RAMP1: variants seen among roughly 807,000 people sequenced by gnomAD.
RAMP1 encodes receptor activity-modifying protein 1.
A neutral mutation model predicts 8.2 loss-of-function variants in RAMP1; 7 were observed. The ratio of observed to expected loss-of-function variants is 0.85; its 90% CI spans 0.49 to 1.60. The LOEUF (loss-of-function observed/expected upper bound fraction) is 1.60. Among genes scored for constraint, RAMP1 ranks in the 40% most tolerant of loss-of-function variants. The probability of loss-of-function intolerance (pLI) is 0.00; values close to 1 mark genes in which losing one functional copy is unlikely to be tolerated. For synonymous variants in RAMP1, 92 were observed against 84.7 expected (o/e 1.09, Z -0.47); for missense variants, 192 against 202.4 (o/e 0.95, Z 0.31).
intron 1 of RAMP1, among the ~76,000 whole-genome samples, chr2:237,863,886 G>T (rs2062156151): frequency 6.6e-6 from 1 of 151,932 alleles, no homozygotes; most frequent in African/African-American, 2.4e-5. Flanking sequence ...GGCCCCGGCT[G>T]TCCACTGTGC....
intron 2 of RAMP1, among the ~76,000 whole-genome samples, chr2:237,900,154 TTTTGTTTA>T (rs1259552039): frequency 6.6e-6 from 1 of 152,214 alleles, no homozygotes; most frequent in African/African-American, 2.4e-5. Context: ...GTTTTTTGTT[TTTTGTTTA>T]TTTGTTTGTT....
chr2:237,908,584 C>A lies in RAMP1; in HGVS notation c.192-2944C>A, dbSNP rs555894531. 2.0e-5 allele frequency among the ~76,000 whole-genome samples: 3 copies of A among 152,176 alleles called. No individual in the cohort carries two copies. The South Asian group carries it at 6.2e-4, about 32-fold the overall frequency. ...TCCCTCGTAGCTGGGATTACAGGTG[C>A]CCGCCACTGTGCCTGGCTAATTTTT... On this transcript the variant is annotated intron_variant, in intron 2 of 2. Coordinates refer to ENST00000254661, the MANE Select transcript of RAMP1 (RefSeq NM_005855.4).
intron 2 of RAMP1, among the ~76,000 whole-genome samples, chr2:237,882,006 G>C (rs2062374054): frequency 6.6e-6 from 1 of 152,030 alleles, no homozygotes; most frequent in African/African-American, 2.4e-5. Flanking sequence ...TCTAGCCTGT[G>C]TGGTCCCACT....
Position 237,886,998 on chromosome 2 carries a change from C to T in RAMP1, c.191+9636C>T, listed in dbSNP as rs150473347. On this transcript the variant is annotated intron_variant, in intron 2 of 2. Transcript: ENST00000254661. ...CCTAGAACCATCCAGGCTGTGCAGA[C>T]GGGACTTGGCTGTCCTGGGACACAG... is the stretch of plus-strand genomic sequence containing the variant. 1.0e-4 allele frequency among the ~76,000 whole-genome samples: 15 copies of T among 147,346 alleles called. No individual in the cohort carries two copies. The East Asian group carries it at 2.2e-3, about 21-fold the overall frequency.
At chr2:237,900,251 C>T (rs761219006) in intron 2 of RAMP1, among the ~76,000 whole-genome samples, 2 of 152,190 alleles carry the variant, frequency 1.3e-5, no homozygotes, top group Non-Finnish European at 2.9e-5. Flanking sequence ...CCTCTGCCTC[C>T]TGGGTTCACG....
In RAMP1 at chr2:237,871,648, G is replaced by A. The variant is rs142414322; in HGVS notation, c.53-5576G>A. Reference sequence around the variant, plus strand: ...GGCACTTCTACCCTCTGGGACAGTCGTCCCCAACTCTCTTGGTCCTGCCCC... The same window carrying A: ...GGCACTTCTACCCTCTGGGACAGTCATCCCCAACTCTCTTGGTCCTGCCCC... On this transcript the variant is annotated intron_variant, in intron 1 of 2. Coordinates refer to ENST00000254661, the MANE Select transcript of RAMP1 (RefSeq NM_005855.4). Among the ~76,000 whole-genome samples, 627 of 152,262 alleles carry A rather than the reference G, an allele frequency of 4.1e-3. 5 individuals are homozygous for A. Among genetic ancestry groups the A allele is most frequent in the South Asian group, 0.031 (147 of 4,818 alleles).
At chr2:237,875,791 G>C (rs2062297128) in intron 1 of RAMP1, among the ~76,000 whole-genome samples, 1 of 152,124 alleles carries the variant, frequency 6.6e-6, no homozygotes, top group Non-Finnish European at 1.5e-5. Flanking sequence ...CGTTCACCCT[G>C]ACACACCAGC....
chr2:237,899,699 A>G (rs912374516), intron 2 of RAMP1, among the ~76,000 whole-genome samples: 1 of 152,274 alleles, frequency 6.6e-6, no homozygotes, highest in East Asian at 1.9e-4. Flanking sequence ...GTTGAGACGC[A>G]TGTCATGCCA....
At chr2:237,875,379 T>C (rs756750010) in intron 1 of RAMP1, among the ~76,000 whole-genome samples, 1 of 151,838 alleles carries the variant, frequency 6.6e-6, no homozygotes, top group Middle Eastern at 3.4e-3. Context: ...TCCTGAGGTG[T>C]CCCCGGGGTG....
At position 237,912,054 on chromosome 2, in the gene RAMP1, C is replaced by A. The variant is rs1183264157; in HGVS notation, c.*271C>A. On this transcript the variant is annotated 3_prime_UTR_variant, in exon 3 of 3. Transcript: ENST00000254661. The stretch of plus-strand genomic sequence containing the variant: ...AGGGTCCCAGCCTAGACTGCTTACC[C>A]CATAGCCACATTTGTGGATGAGTGG... The A allele has an allele frequency of 3.9e-5, 20 of 507,456 alleles. No homozygotes were observed. The highest frequency in any genetic ancestry group is 5.1e-4 in the Middle Eastern group (1 of 1,946). 31.4% of individuals were successfully genotyped at this position (507,456 alleles called of 1,614,324 possible). A position where few individuals can be genotyped will look rare whatever the true frequency, so the allele number is the denominator to read the frequency against.
chr2:237,864,570 G>A (rs1479018359), intron 1 of RAMP1, among the ~76,000 whole-genome samples: 2 of 152,160 alleles, frequency 1.3e-5, no homozygotes, highest in East Asian at 3.9e-4. Flanking sequence ...CTCACACACG[G>A]GACACACAGG....
rs775084288 is a variant in RAMP1 at position 237,911,533 on chromosome 2, A to G, written c.197A>G (p.Tyr66Cys). The G allele has an allele frequency of 1.4e-5, 23 of 1,614,028 alleles. No individual in the cohort carries two copies. Among genetic ancestry groups the G allele is most frequent in the Non-Finnish European group, 1.9e-5 (23 of 1,179,934 alleles). ...WCDWGRTIRS[Y>C]RELADCTWHM... Reference sequence around the variant, plus strand: ...ACCTCCTCTTCCATCCGCAGGAGCTACAGGGAGCTGGCCGACTGCACCTGG... The same window carrying G: ...ACCTCCTCTTCCATCCGCAGGAGCTGCAGGGAGCTGGCCGACTGCACCTGG... Residue 66 changes from tyrosine (Y) to cysteine (C), a missense_variant, in exon 3 of 3, where the codon TAC (tyrosine) becomes TGC (cysteine). Transcript: ENST00000254661.
chr2:237,901,165 C>G (rs1409220576), intron 2 of RAMP1, among the ~76,000 whole-genome samples: 2 of 152,244 alleles, frequency 1.3e-5, no homozygotes, highest in Non-Finnish European at 2.9e-5. Flanking sequence ...GAAGCCCACA[C>G]CCCTGCTCAC....
chr2:237,910,738 ACAGT>A (rs2062704002), intron 2 of RAMP1, among the ~76,000 whole-genome samples: 1 of 151,842 alleles, frequency 6.6e-6, no homozygotes, highest in Non-Finnish European at 1.5e-5. Flanking sequence ...ACAGTAACAC[ACAGT>A]CACACAGAAA....
Position 237,877,793 on chromosome 2 carries a change from G to T in RAMP1, c.191+431G>T, listed in dbSNP as rs2151009245. ...GTCCTTCCTGGCCCCACCCTGTCCA[G>T]GGCTCAGAGCTTCTGGTAATGGAGC... On this transcript the variant is annotated intron_variant, in intron 2 of 2. Coordinates refer to ENST00000254661, the MANE Select transcript of RAMP1 (RefSeq NM_005855.4). The surrounding 1 kb of genome is among the most constrained non-coding windows in gnomAD (Gnocchi z 4.4). Among the ~76,000 whole-genome samples, 1 of 152,238 alleles carries T rather than the reference G, an allele frequency of 6.6e-6. No homozygotes were observed. Among genetic ancestry groups the T allele is most frequent in the African/African-American group, 2.4e-5 (1 of 41,552 alleles).
At position 237,877,156 on chromosome 2, in the gene RAMP1, G is replaced by A. The variant is rs757856061; in HGVS notation, c.53-68G>A. Reference sequence around the variant, plus strand: ...TGGAGTCCGGGCTGCAGGGGCGCGCGGGCTGGCGGTGATACCCCTAGGCCT... The same window carrying A: ...TGGAGTCCGGGCTGCAGGGGCGCGCAGGCTGGCGGTGATACCCCTAGGCCT... On this transcript the variant is annotated intron_variant, in intron 1 of 2. Coordinates refer to ENST00000254661, the MANE Select transcript of RAMP1 (RefSeq NM_005855.4). This position sits in a 1 kb window ranked among gnomAD's most constrained non-coding sequence, Gnocchi z 4.4. 3.4e-4 allele frequency: 553 copies of A among 1,605,136 alleles called. No individual in the cohort carries two copies. Among genetic ancestry groups the A allele is most frequent in the Non-Finnish European group, 4.5e-4 (532 of 1,177,534 alleles).
At position 237,902,334 on chromosome 2, in the gene RAMP1, G is replaced by A. The variant is rs1294225503; in HGVS notation, c.192-9194G>A. Among the ~76,000 whole-genome samples the A allele has an allele frequency of 1.0e-3, 150 of 146,234 alleles. 1 individual carries two copies. The highest frequency in any genetic ancestry group is 3.4e-3 in the Middle Eastern group (1 of 290). ...CTGGGAGGAGGAGGGAGGGATCAGG[G>A]GGTGGAGGAGGGGCTGGGAGGAGGA... On this transcript the variant is annotated intron_variant, in intron 2 of 2. Transcript: ENST00000254661.
intron 2 of RAMP1, among the ~76,000 whole-genome samples, chr2:237,885,448 G>A (rs1195829880): frequency 6.6e-6 from 1 of 152,264 alleles, no homozygotes; most frequent in African/African-American, 2.4e-5. Context: ...TCGTGGGTTT[G>A]TTCATGGCGG....
In RAMP1 at chr2:237,872,074, C is replaced by T. The variant is rs540172333; in HGVS notation, c.53-5150C>T. 5.0e-4 allele frequency among the ~76,000 whole-genome samples: 76 copies of T among 152,350 alleles called. No individual in the cohort carries two copies. The East Asian group carries it at 0.014, about 28-fold the overall frequency. Reference sequence around the variant, plus strand: ...TACTACAGTCACGACCATCTTTCCACCCTCCTGCGATGGTATCGTCCATGC... The same window carrying T: ...TACTACAGTCACGACCATCTTTCCATCCTCCTGCGATGGTATCGTCCATGC... On this transcript the variant is annotated intron_variant, in intron 1 of 2. Transcript: ENST00000254661.
Sources: gnomAD v4.1 joint callset for allele counts (sites outside exome capture counted in the v4.1 genomes callset) on GRCh38, gnomAD v4.1.1 for gene constraint, Gnocchi (gnomAD v3.1) non-coding constraint, MANE v1.5 for transcripts, NCBI Gene and HGNC (gene_info 2026-07-23, HGNC 2026-07-21) for gene names.